The following MEF2C variants were observed in gnomAD, a reference collection of about 807,000 sequenced individuals.
MEF2C encodes the protein myocyte enhancer factor 2C, also known as myocyte-specific enhancer factor 2C.
Under a neutral mutation model 50.5 loss-of-function variants are expected in MEF2C, and 6 were observed. The observed-to-expected ratio is 0.12, with a 90% CI of 0.07 to 0.23. The LOEUF is 0.23. MEF2C is among the 10% of genes least tolerant of loss of function. The pLI is 1.00. For missense variants in MEF2C, 276 were observed against 605.0 expected (o/e 0.46, Z 5.70); for synonymous variants, 183 against 228.0 (o/e 0.80, Z 1.78).
intron 3 of MEF2C, among the ~76,000 whole-genome samples, chr5:88,793,491 A>G (rs1380978855): frequency 6.6e-6 from 1 of 152,182 alleles, no homozygotes; most frequent in Non-Finnish European, 1.5e-5. Flanking sequence ...ATTTCATAGC[A>G]TATAACACAG....
intron 6 of MEF2C, chr5:88,734,496 TGTGATATGACAAGCACTGGGCCA>T (rs1763017262): frequency 2.0e-6 from 2 of 984,454 alleles, no homozygotes; most frequent in East Asian, 1.1e-4. Flanking sequence ...TGTGTTGTCC[TGTGATATGACAAGCACTGGGCCA>T]GTGTGCGAAA....
At chr5:88,870,528 C>A (rs764644784) in intron 1 of MEF2C, among the ~76,000 whole-genome samples, 5 of 151,852 alleles carry the variant, frequency 3.3e-5, no homozygotes, top group Non-Finnish European at 5.9e-5. Flanking sequence ...CTTGGCACAG[C>A]AAATAAAAAA....
At chr5:88,772,099 G>A (rs770178934) in intron 3 of MEF2C, 2 of 152,150 alleles carry the variant, frequency 1.3e-5, no homozygotes, top group Admixed American at 1.3e-4. Context: ...CCGAAACAAG[G>A]CATTACCCTT....
intron 1 of MEF2C, chr5:88,843,349 C>T: frequency 2.0e-6 from 2 of 983,322 alleles, no homozygotes; most frequent in Non-Finnish European, 2.4e-6. Flanking sequence ...AATTTGGTTC[C>T]CCCCAAAAAA....
chr5:88,843,758 T>C (rs1818277459), intron 1 of MEF2C, among the ~76,000 whole-genome samples: 1 of 151,930 alleles, frequency 6.6e-6, no homozygotes, highest in Non-Finnish European at 1.5e-5. Context: ...AATTTGAAAA[T>C]TGGCAACAAC....
chr5:88,813,778 T>C (rs1030372859), intron 2 of MEF2C, among the ~76,000 whole-genome samples: 1 of 152,148 alleles, frequency 6.6e-6, no homozygotes, highest in African/African-American at 2.4e-5. Flanking sequence ...ATTTTCACCA[T>C]TCTTTAACTC....
At chr5:88,775,923 T>C (rs961070033) in intron 3 of MEF2C, 89 of 451,520 alleles carry the variant, frequency 2.0e-4, no homozygotes, top group Non-Finnish European at 2.5e-4. Flanking sequence ...AAAGCAGAGA[T>C]GGGAGCATAT....
chr5:88,760,973 A>G (rs1777577697), intron 4 of MEF2C: 1 of 1,601,584 alleles, frequency 6.2e-7, no homozygotes, highest in Non-Finnish European at 8.5e-7. Context: ...CCAGCCATCT[A>G]CCTTTGGTAC....
At chr5:88,790,902 A>C (rs1793453534) in intron 3 of MEF2C, among the ~76,000 whole-genome samples, 1 of 151,982 alleles carries the variant, frequency 6.6e-6, no homozygotes, top group Non-Finnish European at 1.5e-5. Context: ...ACAAAAACAA[A>C]CCCCCCAAAA....
intron 1 of MEF2C, among the ~76,000 whole-genome samples, chr5:88,853,592 A>T (rs553426369): frequency 1.7e-3 from 257 of 152,352 alleles, no homozygotes; most frequent in African/African-American, 6.0e-3. Flanking sequence ...CTGCTGGTGA[A>T]AAGTAAAACT....
intron 3 of MEF2C, among the ~76,000 whole-genome samples, chr5:88,799,868 TCTCACACACACACACACA>T (rs1321149602): frequency 1.1e-5 from 1 of 95,136 alleles, no homozygotes; most frequent in Admixed American, 1.1e-4. Context: ...TCTCTCTCTC[TCTCACACACACACACACA>T]CACACACACA....
rs528947755 is a variant in MEF2C, at chr5:88,746,468, A to G, written c.637+2602T>C. 870 of 933,882 alleles carry G rather than the reference A, an allele frequency of 9.3e-4. 2 individuals carry two copies. The highest frequency in any genetic ancestry group is 1.0e-3 in the Non-Finnish European group (816 of 786,344). 57.8% of individuals were successfully genotyped at this position (933,882 alleles called of 1,614,324 possible). On this transcript the variant is annotated intron_variant, in intron 6 of 10. Transcript: ENST00000504921. ...TTTTTTTTTTTTTTAACAAAGTGAG[A>G]TGACTTGATTTAGAAAAAAACTGCA...
At chr5:88,885,379 T>C (rs1442263924), upstream of MEF2C, among the ~76,000 whole-genome samples, 1 of 152,240 alleles carries the variant, frequency 6.6e-6, no homozygotes, top group Non-Finnish European at 1.5e-5. Flanking sequence ...CAGCTCATCA[T>C]TGTGACTATC....
chr5:88,731,690 ACATTAT>A (rs1761729847), intron 7 of MEF2C, 33 bp downstream of exon 7: 1 of 1,564,834 alleles, frequency 6.4e-7, no homozygotes, highest in Non-Finnish European at 8.8e-7. Flanking sequence ...CATATACAAA[ACATTAT>A]CAATATTTAT....
intron 1 of MEF2C, among the ~76,000 whole-genome samples, chr5:88,867,826 T>C (rs894883226): frequency 6.6e-6 from 1 of 152,214 alleles, no homozygotes; most frequent in African/African-American, 2.4e-5. Context: ...CATATGTCGA[T>C]GCAGATGGAA....
intron 3 of MEF2C, among the ~76,000 whole-genome samples, chr5:88,785,900 G>C (rs1201056116): frequency 6.6e-6 from 1 of 152,096 alleles, no homozygotes; most frequent in African/African-American, 2.4e-5. Context: ...TCTGAAGAGA[G>C]AGTCGGGCCT....
At chr5:88,769,883 TA>T in intron 3 of MEF2C, 1 of 839,468 alleles carries the variant, frequency 1.2e-6, no homozygotes, top group Non-Finnish European at 1.4e-6. Flanking sequence ...TGACCTCATG[TA>T]ATCCACCCAC....
intron 5 of MEF2C, chr5:88,749,588 T>C: frequency 2.7e-6 from 2 of 748,468 alleles, no homozygotes; most frequent in Non-Finnish European, 3.3e-6. Flanking sequence ...AAAATCTTAT[T>C]GACTGACACA....
At chr5:88,732,021 T>G in intron 6 of MEF2C, 120 bp from the exon 7 acceptor site, 1 of 885,930 alleles carries the variant, frequency 1.1e-6, no homozygotes, top group Non-Finnish European at 1.7e-6. Flanking sequence ...TGCAAAACCA[T>G]AGGATGACTG....
Sources: allele counts gnomAD v4.1 joint callset (sites outside exome capture counted in the v4.1 genomes callset), GRCh38; gene constraint gnomAD v4.1.1; transcripts MANE v1.5; gene names NCBI Gene and HGNC (gene_info 2026-07-23, HGNC 2026-07-21).